CDH4: variants seen among roughly 807,000 people sequenced by gnomAD.
The protein encoded by CDH4 is cadherin-4.
CDH4 carries 33 observed loss-of-function variants against 86.0 expected under a neutral mutation model. The ratio of observed to expected loss-of-function variants is 0.38; its 90% CI spans 0.29 to 0.51. The LOEUF is 0.51. CDH4 is among the 20% of genes least tolerant of loss of function. CDH4 has a pLI of 0.86. For synonymous variants in CDH4, 555 were observed against 549.4 expected, an observed-to-expected ratio of 1.01 and a Z score of -0.14; for missense variants, 1,114 against 1,307.4, an observed-to-expected ratio of 0.85 and a Z score of 2.28.
At chr20:61,465,021 G>T (rs1306172566) in intron 2 of CDH4, among the ~76,000 whole-genome samples, 2 of 152,198 alleles carry the variant, frequency 1.3e-5, no homozygotes, top group African/African-American at 2.4e-5. Context: ...GTGCACACAG[G>T]TCTACAAAAG....
At chr20:61,439,986 G>A (rs1697477523) in intron 2 of CDH4, among the ~76,000 whole-genome samples, 1 of 152,194 alleles carries the variant, frequency 6.6e-6, no homozygotes, top group Non-Finnish European at 1.5e-5. Flanking sequence ...AATACACTCA[G>A]GTCATCACGG....
chr20:61,670,204 C>T (rs2087371188), intron 2 of CDH4, among the ~76,000 whole-genome samples: 1 of 152,222 alleles, frequency 6.6e-6, no homozygotes, highest in African/African-American at 2.4e-5. Flanking sequence ...CTCTGCAACA[C>T]CACCAACAAG....
At chr20:61,519,422 G>A (rs1306438909) in intron 2 of CDH4, among the ~76,000 whole-genome samples, 8 of 152,210 alleles carry the variant, frequency 5.3e-5, no homozygotes, top group Non-Finnish European at 1.0e-4. Flanking sequence ...AGGTGCCGGC[G>A]GGAGGTCCTC....
At chr20:61,780,649 T>G (rs1013644546) in intron 4 of CDH4, among the ~76,000 whole-genome samples, 3 of 152,262 alleles carry the variant, frequency 2.0e-5, no homozygotes, top group African/African-American at 7.2e-5. Context: ...TATTTCATTC[T>G]AACACTCCTA....
intron 2 of CDH4, among the ~76,000 whole-genome samples, chr20:61,340,373 A>G (rs574900433): frequency 1.3e-5 from 2 of 152,338 alleles, no homozygotes; most frequent in East Asian, 3.9e-4. Flanking sequence ...TGTCCAGCAC[A>G]TAATGCAGCC....
In CDH4 at chr20:61,939,174, A is replaced by G. The variant is rs1460015523; in HGVS notation, c.*2231A>G. The G allele has an allele frequency of 6.6e-6, 1 of 152,212 alleles. No homozygotes were observed. The highest frequency in any genetic ancestry group is 2.4e-5 in the African/African-American group (1 of 41,428). The allele number at this position is 152,212 out of a possible 1,614,324, so 9.4% of individuals were successfully genotyped here. A position where few individuals can be genotyped will look rare whatever the true frequency, so the allele number is the denominator to read the frequency against. ...TTCGGAGTATGCGTGGATTGTTCGA[A>G]GTGTGACTATGGCCCGGGAGCCAGG... is the stretch of plus-strand genomic sequence containing the variant. On this transcript the variant is annotated 3_prime_UTR_variant, in exon 16 of 16. Coordinates refer to ENST00000614565, the MANE Select transcript of CDH4 (RefSeq NM_001794.5).
intron 4 of CDH4, among the ~76,000 whole-genome samples, chr20:61,835,549 G>T (rs78133954): frequency 1.4e-3 from 216 of 151,892 alleles, no homozygotes; most frequent in African/African-American, 4.9e-3. Flanking sequence ...GACGGAGTGG[G>T]GCTGGGAGGT....
intron 2 of CDH4, among the ~76,000 whole-genome samples, chr20:61,670,670 A>G (rs191908137): frequency 1.4e-3 from 219 of 152,334 alleles, no homozygotes; most frequent in African/African-American, 4.7e-3. Context: ...GAGGCTGTTC[A>G]GGAAAAGCAA....
intron 6 of CDH4, among the ~76,000 whole-genome samples, chr20:61,867,562 AGAGAG>A (rs1983606689): frequency 3.3e-4 from 2 of 5,990 alleles, no homozygotes; most frequent in Non-Finnish European, 2.5e-3. Flanking sequence ...AAAAAAAAAA[AGAGAG>A]AGAGAGAGCT....
chr20:61,485,052 C>G (rs2085588494), intron 2 of CDH4, among the ~76,000 whole-genome samples: 1 of 152,144 alleles, frequency 6.6e-6, no homozygotes, highest in Non-Finnish European at 1.5e-5. Flanking sequence ...AATTTCATCC[C>G]TTTCCAACGG....
rs200215204 is a variant in CDH4, at chr20:61,936,990, G to A, written c.*47G>A. 2.7e-5 allele frequency: 41 copies of A among 1,504,412 alleles called. No homozygotes were observed. The highest frequency in any genetic ancestry group is 2.5e-4 in the Admixed American group (13 of 51,598). 93.2% of individuals were successfully genotyped at this position (1,504,412 alleles called of 1,614,324 possible). A position where few individuals can be genotyped will look rare whatever the true frequency, so the allele number is the denominator to read the frequency against. On this transcript the variant is annotated 3_prime_UTR_variant, in exon 16 of 16. Coordinates refer to ENST00000614565, the MANE Select transcript of CDH4 (RefSeq NM_001794.5). ...GAAGTGAGAGCCGTGCTCGGACGCC[G>A]GAGGAGCAGGACTGAGCAGAGGCGG... is the stretch of plus-strand genomic sequence containing the variant.
intron 2 of CDH4, among the ~76,000 whole-genome samples, chr20:61,256,003 A>C (rs768107028): frequency 6.6e-6 from 1 of 152,252 alleles, no homozygotes; most frequent in Non-Finnish European, 1.5e-5. Flanking sequence ...TCAAAAAAAT[A>C]AAAAATCTCT....
At chr20:61,629,945 C>T (rs1458458188) in intron 2 of CDH4, among the ~76,000 whole-genome samples, 1 of 152,212 alleles carries the variant, frequency 6.6e-6, no homozygotes, top group African/African-American at 2.4e-5. Context: ...GTCAGGGAGA[C>T]ATGACCTGTG....
intron 2 of CDH4, among the ~76,000 whole-genome samples, chr20:61,542,812 G>A (rs189681165): frequency 5.9e-5 from 9 of 152,302 alleles, no homozygotes; most frequent in African/African-American, 2.2e-4. Flanking sequence ...AGTTTATTAG[G>A]AGAATTGACC....
chr20:61,927,130 C>T (rs918868714), intron 11 of CDH4, among the ~76,000 whole-genome samples: 4 of 152,250 alleles, frequency 2.6e-5, no homozygotes, highest in African/African-American at 9.6e-5. Context: ...ATTAAAGAGA[C>T]ATCCGTGGGA....
intron 7 of CDH4, among the ~76,000 whole-genome samples, chr20:61,887,510 C>T (rs892322013): frequency 6.6e-6 from 1 of 152,048 alleles, no homozygotes; most frequent in East Asian, 1.9e-4. Context: ...TGCACAAGCA[C>T]GCATACACAC....
chr20:61,573,901 G>A lies in CDH4; in HGVS notation c.170-169662G>A, dbSNP rs563289957. 1.1e-4 allele frequency among the ~76,000 whole-genome samples: 17 copies of A among 152,252 alleles called. No homozygotes were observed. In the South Asian group the frequency reaches 2.7e-3, roughly 24 times the overall value. ...TTGAGCCCTGCCAGGAGCTCCCCTCGCTCACCTCCCTGCAGCCCCTTCCTC... is the reference window on the plus strand; with the variant it reads ...TTGAGCCCTGCCAGGAGCTCCCCTCACTCACCTCCCTGCAGCCCCTTCCTC... On this transcript the variant is annotated intron_variant, in intron 2 of 15. Transcript: ENST00000614565.
chr20:61,885,984 C>T lies in CDH4; in HGVS notation c.1051-8926C>T, dbSNP rs574969421. On this transcript the variant is annotated intron_variant, in intron 7 of 15. Coordinates refer to ENST00000614565, the MANE Select transcript of CDH4 (RefSeq NM_001794.5). ...CTGGAGAAGCTCCCAGAGCAGCAGC[C>T]GCCGTCGTGCTGGGACTGGCTCTGG... is the stretch of plus-strand genomic sequence containing the variant. Among the ~76,000 whole-genome samples, 7 of 152,336 alleles carry T rather than the reference C, an allele frequency of 4.6e-5. No homozygotes were observed. The South Asian group carries it at 8.3e-4, about 18-fold the overall frequency.
At chr20:61,822,849 G>T (rs953748790) in intron 4 of CDH4, among the ~76,000 whole-genome samples, 2 of 152,222 alleles carry the variant, frequency 1.3e-5, no homozygotes, top group Admixed American at 1.3e-4. Context: ...AACAGGGCAT[G>T]CCTTCCTCCC....
Sources: gnomAD v4.1 joint callset for allele counts (sites outside exome capture counted in the v4.1 genomes callset) on GRCh38, gnomAD v4.1.1 for gene constraint, MANE v1.5 for transcripts, NCBI Gene and HGNC (gene_info 2026-07-23, HGNC 2026-07-21) for gene names.